SCAF4: variants seen among roughly 807,000 people sequenced by gnomAD.
The protein encoded by SCAF4 is SR-related CTD associated factor 4, also known as SR-related and CTD-associated factor 4.
Under a neutral mutation model 129.8 loss-of-function variants are expected in SCAF4, and 25 were observed. The ratio of observed to expected loss-of-function variants is 0.19; its 90% CI spans 0.14 to 0.27. The LOEUF is 0.27. Among genes scored for constraint, SCAF4 ranks in the 10% least tolerant of loss-of-function variants. SCAF4 has a pLI of 1.00. For synonymous variants in SCAF4, 551 were observed against 497.7 expected (o/e 1.11, Z -1.43); for missense variants, 1,246 against 1,457.1 (o/e 0.86, Z 2.36).
intron 9 of SCAF4, among the ~76,000 whole-genome samples, chr21:31,695,827 G>A (rs2050372087): frequency 6.6e-6 from 1 of 152,128 alleles, no homozygotes; most frequent in South Asian, 2.1e-4. Flanking sequence ...CCTTCCAAGG[G>A]AAAAAGCTGT....
rs759571544 is a variant in SCAF4 at position 31,694,863 on chromosome 21, C to A, written c.1186G>T (p.Ala396Ser). 1.2e-6 allele frequency: 2 copies of A among 1,614,126 alleles called. No homozygotes were observed. The highest frequency in any genetic ancestry group is 1.7e-6 in the Non-Finnish European group (2 of 1,180,010). ...GGTTCATTTTGTGCCTGAAAAGAAG[C>A]TTGGAAAGGCTGCTGCACTGGTGGA... Reference protein sequence around the residue: ...PTPPVQQPFQASFQAQNEPLT... With the variant: ...PTPPVQQPFQSSFQAQNEPLT... The change falls in exon 10 of 20, where the codon GCT becomes TCT. Residue 396 changes from alanine to serine, a missense_variant. Physicochemically the swap from Ala to Ser is moderately conservative, Grantham distance 99. Coordinates refer to ENST00000286835, the MANE Select transcript of SCAF4 (RefSeq NM_020706.2).
chr21:31,708,817 T>C (rs549520080), intron 1 of SCAF4, among the ~76,000 whole-genome samples: 33 of 152,292 alleles, frequency 2.2e-4, no homozygotes, highest in South Asian at 4.1e-4. Flanking sequence ...GACACTGCTA[T>C]ATTTTGGATA....
intron 1 of SCAF4, among the ~76,000 whole-genome samples, chr21:31,713,732 G>A (rs1213348391): frequency 2.2e-5 from 3 of 136,980 alleles, no homozygotes; most frequent in Admixed American, 7.2e-5. Flanking sequence ...AATTTCTCAT[G>A]GGCAAACCGG....
intron 19 of SCAF4, among the ~76,000 whole-genome samples, 186 bp from the exon 20 acceptor site, chr21:31,672,540 T>A (rs986681944): frequency 2.6e-5 from 4 of 152,198 alleles, no homozygotes; most frequent in South Asian, 2.1e-4. Flanking sequence ...TGCAAAGACA[T>A]TTTTAAAGTA....
rs190508378 is a variant in SCAF4, at chr21:31,697,608, A to C, written c.778-858T>G. On this transcript the variant is annotated intron_variant, in intron 7 of 19. Coordinates refer to ENST00000286835, the MANE Select transcript of SCAF4 (RefSeq NM_020706.2). Reference sequence around the variant, plus strand: ...CAAAGCCCTCAGTCTCTGGCTTTCAATAAGCAATCTTTCCTTTCAAGCCGT... The same window carrying C: ...CAAAGCCCTCAGTCTCTGGCTTTCACTAAGCAATCTTTCCTTTCAAGCCGT... Among the ~76,000 whole-genome samples the C allele has an allele frequency of 3.2e-3, 486 of 152,328 alleles. 1 individual carries two copies. Among genetic ancestry groups the C allele is most frequent in the Non-Finnish European group, 4.3e-3 (293 of 68,024 alleles).
chr21:31,671,172 C>T lies in SCAF4; in HGVS notation c.*227G>A. On this transcript the variant is annotated 3_prime_UTR_variant, in exon 20 of 20. Transcript: ENST00000286835. ...ATTTGTAAACTTTTTAAAGTCAAAACTTTTAAAAAGTTACAGCAAAAAGGG... is the reference window on the plus strand; with the variant it reads ...ATTTGTAAACTTTTTAAAGTCAAAATTTTTAAAAAGTTACAGCAAAAAGGG... The T allele has an allele frequency of 2.8e-6, 1 of 357,926 alleles. No individual in the cohort carries two copies. The highest frequency in any genetic ancestry group is 4.9e-6 in the Non-Finnish European group (1 of 204,030). The allele number at this position is 357,926 out of a possible 1,614,324, so 22.2% of individuals were successfully genotyped here.
rs191979054 is a variant in SCAF4, at chr21:31,723,032, T to C, written c.30+8631A>G. On this transcript the variant is annotated intron_variant, in intron 1 of 19. Coordinates refer to ENST00000286835, the MANE Select transcript of SCAF4 (RefSeq NM_020706.2). ...TTCTAGAATTTATTGTGAAGTATGC[T>C]TATAAATCGCTGCCAAACACAGTAT... Among the ~76,000 whole-genome samples the C allele has an allele frequency of 4.6e-5, 7 of 152,336 alleles. No homozygotes were observed. The East Asian group carries it at 1.4e-3, about 29-fold the overall frequency.
At position 31,727,815 on chromosome 21, in the gene SCAF4, T is replaced by G. The variant is rs142947906; in HGVS notation, c.30+3848A>C. Among the ~76,000 whole-genome samples, 208 of 152,166 alleles carry G rather than the reference T, an allele frequency of 1.4e-3. 1 individual carries two copies. The highest frequency in any genetic ancestry group is 4.7e-3 in the African/African-American group (195 of 41,510). On this transcript the variant is annotated intron_variant, in intron 1 of 19. Coordinates refer to ENST00000286835, the MANE Select transcript of SCAF4 (RefSeq NM_020706.2). Reference sequence around the variant, plus strand: ...AAAAAAAAAAAAAATTCCATACTCTTTATTCTATTCCACAAACTTTAGCAA... The same window carrying G: ...AAAAAAAAAAAAAATTCCATACTCTGTATTCTATTCCACAAACTTTAGCAA...
chr21:31,723,475 C>A (rs1459795657), intron 1 of SCAF4, among the ~76,000 whole-genome samples: 2 of 149,820 alleles, frequency 1.3e-5, no homozygotes, highest in Non-Finnish European at 2.9e-5. Context: ...ACAAAACAAA[C>A]AAAACAAAAA....
Position 31,671,828 on chromosome 21 carries a change from A to C in SCAF4, c.3015T>G (p.Phe1005Leu), listed in dbSNP as rs1423128803. The C allele has an allele frequency of 8.1e-6, 13 of 1,613,934 alleles. No individual in the cohort carries two copies. In the Admixed American group the frequency reaches 1.8e-4, roughly 23 times the overall value. The change falls in exon 20 of 20, where the codon TTT (phenylalanine) becomes TTG (leucine). Residue 1005 changes from phenylalanine to leucine, a missense_variant. Phe to Leu is a conservative substitution (Grantham distance 22). Around this residue, in one of 6 missense-constraint regions of SCAF4, gnomAD observed 339 missense variants for 325.0 expected, o/e 1.04. Transcript: ENST00000286835. ...RDQERFGRRS[F>L]GNRVENDRER... ...CCCGGTCATTTTCCACCCTATTTCC[A>C]AAAGATCTTCTTCCAAACCTTTCTT...
chr21:31,717,278 C>T (rs1007461871), intron 1 of SCAF4, among the ~76,000 whole-genome samples: 1 of 151,926 alleles, frequency 6.6e-6, no homozygotes. Context: ...AAATTTTCCA[C>T]AATAATTATT....
At chr21:31,730,880 G>T (rs923373906) in intron 1 of SCAF4, among the ~76,000 whole-genome samples, 1 of 152,180 alleles carries the variant, frequency 6.6e-6, no homozygotes, top group African/African-American at 2.4e-5. Context: ...GAAGGGAGCC[G>T]AGGATTAACT....
At chr21:31,687,090 A>G (rs2050143912) in intron 16 of SCAF4, among the ~76,000 whole-genome samples, 1 of 152,176 alleles carries the variant, frequency 6.6e-6, no homozygotes, top group African/African-American at 2.4e-5. Flanking sequence ...GAATGTACCA[A>G]AGCATACAGT....
At chr21:31,699,802 C>A (rs1008111199) in intron 7 of SCAF4, among the ~76,000 whole-genome samples, 1 of 152,018 alleles carries the variant, frequency 6.6e-6, no homozygotes, top group African/African-American at 2.4e-5. Context: ...AGCCATAAAC[C>A]AAATAAAACA....
At chr21:31,696,292 A>G in intron 8 of SCAF4, 71 bp from the exon 9 acceptor site, 1 of 1,185,160 alleles carries the variant, frequency 8.4e-7, no homozygotes, top group Non-Finnish European at 1.3e-6. Flanking sequence ...AATTACAGAA[A>G]CAGAGTGTTG....
intron 1 of SCAF4, among the ~76,000 whole-genome samples, chr21:31,707,860 T>G (rs769973300): frequency 5.3e-5 from 8 of 152,204 alleles, no homozygotes; most frequent in African/African-American, 1.9e-4. Context: ...AGAAAAGGCA[T>G]GGAATGCCAA....
intron 7 of SCAF4, chr21:31,700,688 C>G (rs1046829730): frequency 2.8e-6 from 1 of 357,816 alleles, no homozygotes; most frequent in Admixed American, 4.5e-5. Context: ...CAGTAATCCC[C>G]AAGTATTGGG....
chr21:31,726,537 G>C (rs1010726486), intron 1 of SCAF4, among the ~76,000 whole-genome samples: 3 of 152,166 alleles, frequency 2.0e-5, no homozygotes, highest in Admixed American at 2.0e-4. Context: ...TGGTGGCAGA[G>C]GTTTGTGGTC....
At chr21:31,730,581 A>T (rs1196804215) in intron 1 of SCAF4, among the ~76,000 whole-genome samples, 1 of 152,258 alleles carries the variant, frequency 6.6e-6, no homozygotes, top group Non-Finnish European at 1.5e-5. Flanking sequence ...CCACATCCAC[A>T]CATCTCGAAC....
Sources: gnomAD v4.1 joint callset for allele counts (sites outside exome capture counted in the v4.1 genomes callset) on GRCh38, gnomAD v4.1.1 for gene constraint, gnomAD v4.1.1 regional missense constraint, MANE v1.5 for transcripts, NCBI Gene and HGNC (gene_info 2026-07-23, HGNC 2026-07-21) for gene names.